The following TP63 variants were observed in gnomAD, a reference collection of about 807,000 sequenced individuals.
TP63 encodes the protein tumor protein p63.
Under a neutral mutation model 82.8 loss-of-function variants are expected in TP63, and 17 were observed. That is an observed-to-expected ratio of 0.21 (90% CI 0.14 to 0.31). The LOEUF (loss-of-function observed/expected upper bound fraction) is 0.31, where lower values mean the gene tolerates loss of function less well. Ranked by LOEUF, TP63 falls within the 10% of genes least tolerant of loss-of-function variation. The probability of loss-of-function intolerance (pLI) is 1.00; values close to 1 mark genes in which losing one functional copy is unlikely to be tolerated. For missense variants in TP63, 648 were observed against 895.3 expected (o/e 0.72, Z 3.52); for synonymous variants, 330 against 321.7 (o/e 1.03, Z -0.28).
intron 3 of TP63, among the ~76,000 whole-genome samples, chr3:189,806,896 A>G (rs1236052828): frequency 2.6e-5 from 4 of 152,300 alleles, no homozygotes; most frequent in Admixed American, 6.5e-5. Context: ...AAAAAAGTTC[A>G]ATAAAATAAT....
chr3:189,705,835 C>T (rs543991867), intron 1 of TP63, among the ~76,000 whole-genome samples: 8 of 152,158 alleles, frequency 5.3e-5, no homozygotes, highest in Admixed American at 4.6e-4. Context: ...TCATTTGCCA[C>T]CTTAAATTGC....
chr3:189,677,568 G>A (rs908710153), intron 1 of TP63, among the ~76,000 whole-genome samples: 14 of 151,458 alleles, frequency 9.2e-5, no homozygotes, highest in Non-Finnish European at 2.9e-5. Context: ...ACAAATGCAG[G>A]CATCTTTTTG....
At chr3:189,805,345 A>G (rs1726768011) in intron 3 of TP63, among the ~76,000 whole-genome samples, 1 of 152,236 alleles carries the variant, frequency 6.6e-6, no homozygotes. Flanking sequence ...AATTTCCCAG[A>G]AAGTATGGCC....
chr3:189,777,488 T>A (rs1723890071), intron 3 of TP63, among the ~76,000 whole-genome samples: 1 of 152,140 alleles, frequency 6.6e-6, no homozygotes, highest in Non-Finnish European at 1.5e-5. Flanking sequence ...TGAGCCACCA[T>A]GCCTGGCCTC....
intron 1 of TP63, among the ~76,000 whole-genome samples, chr3:189,692,301 TTC>T (rs1327180053): frequency 4.6e-5 from 7 of 152,090 alleles, no homozygotes; most frequent in African/African-American, 1.7e-4. Flanking sequence ...TCCTTCTTTT[TTC>T]TTTTATTTTC....
At chr3:189,775,903 T>C (rs1035504516) in intron 3 of TP63, among the ~76,000 whole-genome samples, 1 of 152,198 alleles carries the variant, frequency 6.6e-6, no homozygotes, top group African/African-American at 2.4e-5. Context: ...ATATACTTAG[T>C]TCTCATAGTT....
chr3:189,742,999 A>T (rs992711270), intron 3 of TP63, among the ~76,000 whole-genome samples: 2 of 152,216 alleles, frequency 1.3e-5, no homozygotes, highest in Non-Finnish European at 2.9e-5. Context: ...TTATAAAAAC[A>T]TAATGTGATG....
intron 4 of TP63, among the ~76,000 whole-genome samples, chr3:189,859,751 T>G (rs1332544827): frequency 6.6e-6 from 1 of 152,138 alleles, no homozygotes; most frequent in Non-Finnish European, 1.5e-5. Flanking sequence ...CATAATAGTT[T>G]TATACACAAT....
At position 189,739,657 on chromosome 3, in the gene TP63, G is replaced by A. The variant is rs1477398745; in HGVS notation, c.324+883G>A. Among the ~76,000 whole-genome samples the A allele has an allele frequency of 2.0e-5, 3 of 152,142 alleles. No homozygotes were observed. In the East Asian group the frequency reaches 5.8e-4, roughly 29 times the overall value. ...GCCCCAGTTCCTCATTTATAAAGTG[G>A]TGAGATCATAGGTGTTACATACTTC... On this transcript the variant is annotated intron_variant, in intron 3 of 13. Coordinates refer to ENST00000264731, the MANE Select transcript of TP63 (RefSeq NM_003722.5).
chr3:189,759,607 G>A (rs2108535640), intron 3 of TP63, among the ~76,000 whole-genome samples: 1 of 152,272 alleles, frequency 6.6e-6, no homozygotes, highest in African/African-American at 2.4e-5. Context: ...ACAAATTGAA[G>A]CTAAGGGCTC....
chr3:189,785,683 G>A (rs1228249902), intron 3 of TP63, among the ~76,000 whole-genome samples: 1 of 151,972 alleles, frequency 6.6e-6, no homozygotes, highest in Non-Finnish European at 1.5e-5. Context: ...TATAAGGAAA[G>A]TGAAGCTGAA....
the TP63 span, among the ~76,000 whole-genome samples, chr3:189,624,813 T>G: frequency 6.6e-6 from 1 of 152,222 alleles, no homozygotes; most frequent in Admixed American, 6.5e-5. Flanking sequence ...TATTCATATT[T>G]TGATGTAGTC....
chr3:189,694,799 T>TTTTTTTTTG (rs1717233623), intron 1 of TP63, among the ~76,000 whole-genome samples: 1 of 42,098 alleles, frequency 2.4e-5, no homozygotes, highest in Non-Finnish European at 4.8e-5. Flanking sequence ...CCTTTTTTTT[T>TTTTTTTTTG]TTTTTTTTTT....
intron 1 of TP63, among the ~76,000 whole-genome samples, chr3:189,690,127 A>C (rs1716800150): frequency 6.7e-6 from 1 of 148,482 alleles, no homozygotes. Flanking sequence ...CTTGGGAAAA[A>C]TCGCTTTTTC....
chr3:189,631,915 A>G (rs775975291), intron 1 of TP63, among the ~76,000 whole-genome samples: 41 of 152,146 alleles, frequency 2.7e-4, no homozygotes, highest in Non-Finnish European at 4.9e-4. Flanking sequence ...ATAATAATGT[A>G]TGGATAATCT....
chr3:189,847,111 A>G (rs1389944317), intron 4 of TP63, among the ~76,000 whole-genome samples: 1 of 152,116 alleles, frequency 6.6e-6, no homozygotes, highest in Non-Finnish European at 1.5e-5. Context: ...TAATCCCAGC[A>G]CTTCTGGAGA....
At chr3:189,845,023 A>G (rs773772881) in intron 4 of TP63, among the ~76,000 whole-genome samples, 6 of 152,186 alleles carry the variant, frequency 3.9e-5, no homozygotes, top group Non-Finnish European at 8.8e-5. Flanking sequence ...ATAAAAGGAC[A>G]TTTTTAATTT....
intron 1 of TP63, among the ~76,000 whole-genome samples, chr3:189,648,098 A>G (rs1038007076): frequency 1.4e-5 from 2 of 147,262 alleles, no homozygotes; most frequent in Admixed American, 6.7e-5. Context: ...TTAAGAAAGC[A>G]TATTTATAAT....
At chr3:189,742,762 G>A (rs1721094002) in intron 3 of TP63, among the ~76,000 whole-genome samples, 2 of 152,150 alleles carry the variant, frequency 1.3e-5, no homozygotes, top group Non-Finnish European at 2.9e-5. Flanking sequence ...CGATAACACA[G>A]CAGAAAAGGC....
Sources: allele counts gnomAD v4.1 joint callset (sites outside exome capture counted in the v4.1 genomes callset), GRCh38; gene constraint gnomAD v4.1.1; transcripts MANE v1.5; gene names NCBI Gene and HGNC (gene_info 2026-07-23, HGNC 2026-07-21).